The following ZCWPW1 variants were observed in gnomAD, a reference collection of about 807,000 sequenced individuals.
ZCWPW1 encodes zinc finger CW-type PWWP domain protein 1.
ZCWPW1 carries 56 observed loss-of-function variants against 81.3 expected under a neutral mutation model. That is an observed-to-expected ratio of 0.69 (90% CI 0.56 to 0.86). The LOEUF is 0.86. ZCWPW1 is among the 40% of genes least tolerant of loss of function. ZCWPW1 has a pLI of 0.00. For missense variants in ZCWPW1, 650 were observed against 769.8 expected, an observed-to-expected ratio of 0.84 and a Z score of 1.84; for synonymous variants, 250 against 273.7, an observed-to-expected ratio of 0.91 and a Z score of 0.86.
chr7:100,404,283 T>G, intron 13 of ZCWPW1, 39 bp from the exon 14 acceptor site: 1 of 1,589,378 alleles, frequency 6.3e-7, no homozygotes, highest in Non-Finnish European at 8.6e-7. Flanking sequence ...TCCACTACCC[T>G]TTCAGGCGCA....
chr7:100,423,310 C>T (rs1456385261), intron 2 of ZCWPW1, among the ~76,000 whole-genome samples: 2 of 152,116 alleles, frequency 1.3e-5, no homozygotes, highest in African/African-American at 4.8e-5. Context: ...AACTGAAACT[C>T]TTTGTTCTAA....
chr7:100,401,376 C>G, intron 17 of ZCWPW1, 40 bp from the exon 18 acceptor site: 1 of 1,485,628 alleles, frequency 6.7e-7, no homozygotes, highest in Non-Finnish European at 9.0e-7. Context: ...CCTATTAGGT[C>G]AGCCTGTCCT....
At chr7:100,419,300 G>C in intron 4 of ZCWPW1, 111 bp from the exon 5 acceptor site, 3 of 925,968 alleles carry the variant, frequency 3.2e-6, no homozygotes, top group Non-Finnish European at 4.9e-6. Flanking sequence ...AAGACGGAAG[G>C]CATGCAGTCA....
chr7:100,427,067 CCT>C (rs1239777811), intron 1 of ZCWPW1, among the ~76,000 whole-genome samples: 1 of 14,330 alleles, frequency 7.0e-5, no homozygotes, highest in Non-Finnish European at 1.5e-4. Context: ...TCCTTCCCTC[CCT>C]CTCTCTTCTC....
intron 9 of ZCWPW1, among the ~76,000 whole-genome samples, 164 bp from the exon 10 acceptor site, chr7:100,408,823 G>A (rs1195668656): frequency 2.2e-5 from 3 of 133,838 alleles, no homozygotes; most frequent in Non-Finnish European, 4.6e-5. Context: ...ACCCATGGAG[G>A]AAATGCAGCT....
At chr7:100,410,549 T>C (rs553028844) in intron 8 of ZCWPW1, among the ~76,000 whole-genome samples, 1 of 152,304 alleles carries the variant, frequency 6.6e-6, no homozygotes, top group South Asian at 2.1e-4. Flanking sequence ...TGGTATCTGA[T>C]TCAGTCTTCT....
intron 15 of ZCWPW1, 152 bp downstream of exon 15, chr7:100,403,542 G>T: frequency 2.7e-6 from 1 of 375,108 alleles, no homozygotes; most frequent in African/African-American, 2.2e-5. Flanking sequence ...AGCTAATGTT[G>T]GCCAGGTGTG....
chr7:100,403,888 G>A, intron 14 of ZCWPW1, 103 bp from the exon 15 acceptor site: 1 of 1,214,170 alleles, frequency 8.2e-7, no homozygotes, highest in Non-Finnish European at 1.2e-6. Flanking sequence ...TGCCTTTTGT[G>A]TACAAGTGGT....
At chr7:100,419,312 C>T in intron 4 of ZCWPW1, 123 bp from the exon 5 acceptor site, 2 of 839,020 alleles carry the variant, frequency 2.4e-6, no homozygotes, top group South Asian at 1.8e-5. Context: ...ATGCAGTCAG[C>T]ATACCTAAGG....
At chr7:100,415,835 T>G in intron 8 of ZCWPW1, 140 bp downstream of exon 8, 2 of 1,171,056 alleles carry the variant, frequency 1.7e-6, no homozygotes, top group Non-Finnish European at 2.4e-6. Context: ...AATTATTCTT[T>G]CGGCAGCATA....
intron 8 of ZCWPW1, among the ~76,000 whole-genome samples, chr7:100,415,079 T>TC (rs1794960689): frequency 7.3e-6 from 1 of 137,752 alleles, no homozygotes; most frequent in East Asian, 2.1e-4. Context: ...GTACCCATTT[T>TC]TTTTTTTTTT....
chr7:100,408,372 T>A (rs1316625171), intron 10 of ZCWPW1, among the ~76,000 whole-genome samples, 167 bp downstream of exon 10: 1 of 152,168 alleles, frequency 6.6e-6, no homozygotes, highest in Non-Finnish European at 1.5e-5. Context: ...GAAAATACAC[T>A]CTTTCAAAGC....
At chr7:100,407,411 G>T in intron 10 of ZCWPW1, 108 bp from the exon 11 acceptor site, 4 of 1,002,712 alleles carry the variant, frequency 4.0e-6, no homozygotes, top group Non-Finnish European at 6.0e-6. Context: ...TTTTTTTTCT[G>T]AGACAAGGTC....
At chr7:100,409,652 G>A (rs1793788155) in intron 8 of ZCWPW1, 108 bp from the exon 9 acceptor site, 1 of 736,584 alleles carries the variant, frequency 1.4e-6, no homozygotes, top group Non-Finnish European at 2.3e-6. Flanking sequence ...CATAGCCAGA[G>A]AGACATTAGA....
intron 5 of ZCWPW1, among the ~76,000 whole-genome samples, chr7:100,417,731 T>A (rs1795584563): frequency 6.6e-6 from 1 of 150,834 alleles, no homozygotes; most frequent in South Asian, 2.1e-4. Context: ...AAAAAAAAAA[T>A]TATATGTACT....
At position 100,416,319 on chromosome 7, in the gene ZCWPW1, C is replaced by G. The variant is rs552549589; in HGVS notation, c.617G>C (p.Arg206Thr). Residue 206 changes from arginine to threonine, a missense_variant, in exon 7 of 18, where the codon AGA (arginine) becomes ACA (threonine). Coordinates refer to ENST00000684423, the MANE Select transcript of ZCWPW1 (RefSeq NM_001386010.1). ...KKSNRLTLSK[R>T]KKEAQDEKVE... ...ACTGTACTTACGAGCTTCCTTCTTT[C>G]TTTTGCTTAAGGTGAGTCTATTGGA... 6.2e-7 allele frequency: 1 copy of G among 1,613,954 alleles called. No homozygotes were observed. The highest frequency in any genetic ancestry group is 1.1e-5 in the South Asian group (1 of 91,072).
chr7:100,424,946 A>T (rs1797040295), intron 2 of ZCWPW1, 84 bp downstream of exon 2: 1 of 152,176 alleles, frequency 6.6e-6, no homozygotes, highest in Admixed American at 6.5e-5. Flanking sequence ...AGATGTAATA[A>T]ATCTATAAAC....
At chr7:100,417,039 C>A in intron 6 of ZCWPW1, 27 bp downstream of exon 6, 1 of 1,546,970 alleles carries the variant, frequency 6.5e-7, no homozygotes, top group South Asian at 1.1e-5. Flanking sequence ...ATTCTGTGTT[C>A]AACTTGCCTC....
chr7:100,419,773 G>C lies in ZCWPW1; in HGVS notation c.139C>G (p.Pro47Ala). The C allele has an allele frequency of 6.2e-7, 1 of 1,613,978 alleles. No individual in the cohort carries two copies. The highest frequency in any genetic ancestry group is 2.2e-5 in the East Asian group (1 of 44,876). The change falls in exon 4 of 18, where the codon CCA becomes GCA. Residue 47 changes from proline to alanine, a missense_variant. By Grantham distance (27) the Pro-to-Ala change is conservative. Transcript: ENST00000684423. ...PKEETPGISS[P>A]ETEARISLPK... ...AGGCTTATCCTGGCCTCTGTCTCTG[G>C]GGAACTGATCCCCGGGGTCTCCTCC...
Sources: gnomAD v4.1 joint callset for allele counts (sites outside exome capture counted in the v4.1 genomes callset) on GRCh38, gnomAD v4.1.1 for gene constraint, MANE v1.5 for transcripts, NCBI Gene and HGNC (gene_info 2026-07-23, HGNC 2026-07-21) for gene names.